CEP152: variants seen among roughly 807,000 people sequenced by gnomAD.
CEP152 encodes centrosomal protein of 152 kDa.
Under a neutral mutation model 188.9 loss-of-function variants are expected in CEP152, and 132 were observed. The ratio of observed to expected loss-of-function variants is 0.70; its 90% CI spans 0.61 to 0.81. The LOEUF (loss-of-function observed/expected upper bound fraction) is 0.81, where lower values mean the gene tolerates loss of function less well. Ranked by LOEUF, CEP152 falls within the 30% of genes least tolerant of loss-of-function variation. CEP152 has a pLI of 0.00. For synonymous variants in CEP152, 649 were observed against 666.6 expected (o/e 0.97, Z 0.41); for missense variants, 1,914 against 1,969.8 (o/e 0.97, Z 0.54).
chr15:48,733,012 G>C (rs1409219526), downstream of CEP152, among the ~76,000 whole-genome samples: 1 of 152,026 alleles, frequency 6.6e-6, no homozygotes, highest in African/African-American at 2.4e-5. Context: ...GATCACTTGA[G>C]CCCAGGAGTT....
At chr15:48,759,770 C>A (rs1213003967) in intron 19 of CEP152, among the ~76,000 whole-genome samples, 1 of 152,060 alleles carries the variant, frequency 6.6e-6, no homozygotes, top group Non-Finnish European at 1.5e-5. Context: ...TGGCTATTTA[C>A]CAAGAAGAAT....
rs753370061 is a variant in CEP152, at chr15:48,772,525, G to A, written c.1744C>T (p.His582Tyr). ...KDCHKKIEDL[H>Y]QVKKDEKSIE... is the part of the protein sequence containing the mutation. ...CTTTTTTCATCCTTCTTCACTTGGT[G>A]GAGATCTTCAATTTTCTTATGACAG... Residue 582 changes from histidine to tyrosine, a missense_variant, in exon 13 of 27, where the codon CAC becomes TAC. By Grantham distance (83) the His-to-Tyr change is moderately conservative. Coordinates refer to ENST00000380950, the MANE Select transcript of CEP152 (RefSeq NM_001194998.2). The A allele has an allele frequency of 1.9e-6, 3 of 1,613,574 alleles. No individual in the cohort carries two copies. The highest frequency in any genetic ancestry group is 1.7e-6 in the Non-Finnish European group (2 of 1,179,992).
intron 13 of CEP152, among the ~76,000 whole-genome samples, chr15:48,771,109 G>A (rs1595648701): frequency 6.6e-6 from 1 of 152,052 alleles, no homozygotes; most frequent in East Asian, 1.9e-4. Flanking sequence ...TGGGAGTATA[G>A]ATGGCTGATG....
chr15:48,760,666 T>C (rs1232563114), intron 18 of CEP152, among the ~76,000 whole-genome samples: 2 of 152,122 alleles, frequency 1.3e-5, no homozygotes, highest in East Asian at 1.9e-4. Flanking sequence ...GCTCTACACA[T>C]GTGCATGAAC....
intron 21 of CEP152, among the ~76,000 whole-genome samples, chr15:48,750,753 T>C (rs1893808009): frequency 6.6e-6 from 1 of 152,138 alleles, no homozygotes; most frequent in Non-Finnish European, 1.5e-5. Flanking sequence ...GAATATAGAG[T>C]ATTAAACTAT....
intron 23 of CEP152, 123 bp downstream of exon 23, chr15:48,744,772 TG>T: frequency 1.1e-6 from 1 of 904,092 alleles, no homozygotes; most frequent in Non-Finnish European, 1.6e-6. Context: ...AATAAGGTTT[TG>T]GGGGATTTTC....
intron 12 of CEP152, 129 bp from the exon 13 acceptor site, chr15:48,772,820 A>G (rs1210048438): frequency 1.3e-6 from 1 of 744,726 alleles, no homozygotes. Context: ...GTATTTCAAA[A>G]CAATTTTAAA....
At chr15:48,742,212 T>C (rs1036763988) in intron 24 of CEP152, 112 bp from the exon 25 acceptor site, 15 of 953,544 alleles carry the variant, frequency 1.6e-5, no homozygotes, top group Middle Eastern at 2.1e-4. Context: ...ATTTTAAGTA[T>C]AGTTTAAACA....
chr15:48,745,582 C>T (rs1195912361), intron 22 of CEP152, among the ~76,000 whole-genome samples: 1 of 151,608 alleles, frequency 6.6e-6, no homozygotes, highest in Non-Finnish European at 1.5e-5. Flanking sequence ...TTGGGATAGG[C>T]GGTGGAGTTA....
intron 2 of CEP152, among the ~76,000 whole-genome samples, chr15:48,803,299 G>A (rs1897787759): frequency 6.6e-6 from 1 of 152,054 alleles, no homozygotes; most frequent in African/African-American, 2.4e-5. Context: ...CTATTGCTGG[G>A]TCAGGAAGAC....
chr15:48,765,383 A>G (rs1276711397), intron 17 of CEP152, among the ~76,000 whole-genome samples: 4 of 152,042 alleles, frequency 2.6e-5, no homozygotes, highest in Non-Finnish European at 5.9e-5. Flanking sequence ...TTATACTTTA[A>G]GTTTTGGGAT....
chr15:48,769,828 T>C (rs1416754068), intron 13 of CEP152, among the ~76,000 whole-genome samples: 5 of 151,234 alleles, frequency 3.3e-5, no homozygotes, highest in African/African-American at 1.2e-4. Context: ...ATGATAGACT[T>C]TGGCGAATTG....
Position 48,805,561 on chromosome 15 carries a change from AC to A in CEP152, c.87+1del, listed in dbSNP as rs1469350771. ...TTTTTTTTTTTTTTTTTAACAACTTACCTCTTTCTCTCTTTCATAGTCCTCT... is the reference window on the plus strand; with the variant it reads ...TTTTTTTTTTTTTTTTTAACAACTTACTCTTTCTCTCTTTCATAGTCCTCT... On this transcript the variant is annotated splice_donor_variant, in intron 2 of 26. Coordinates refer to ENST00000380950, the MANE Select transcript of CEP152 (RefSeq NM_001194998.2). LOFTEE classifies it high-confidence loss of function. 1 of 1,516,644 alleles carries A rather than the reference AC, an allele frequency of 6.6e-7. No homozygotes were observed. The highest frequency in any genetic ancestry group is 2.6e-5 in the East Asian group (1 of 38,734). The allele number at this position is 1,516,644 out of a possible 1,614,324, so 93.9% of individuals were successfully genotyped here. A position where few individuals can be genotyped will look rare whatever the true frequency, so the allele number is the denominator to read the frequency against.
At chr15:48,760,606 G>A (rs921744357) in intron 18 of CEP152, among the ~76,000 whole-genome samples, 2 of 152,110 alleles carry the variant, frequency 1.3e-5, no homozygotes, top group Admixed American at 6.5e-5. Flanking sequence ...GGACTGCTTG[G>A]TGCCAACTGC....
chr15:48,739,400 TA>T (rs1892805877), intron 26 of CEP152, 112 bp from the exon 27 acceptor site: 2 of 1,391,462 alleles, frequency 1.4e-6, no homozygotes, highest in African/African-American at 2.9e-5. Context: ...TTTATGTTTT[TA>T]TACTGTATTC....
Position 48,772,527 on chromosome 15 carries a change from A to C in CEP152, c.1742T>G (p.Leu581Arg). 1 of 1,613,750 alleles carries C rather than the reference A, an allele frequency of 6.2e-7. No individual in the cohort carries two copies. The highest frequency in any genetic ancestry group is 1.7e-5 in the Admixed American group (1 of 60,012). ...TTTTTCATCCTTCTTCACTTGGTGGAGATCTTCAATTTTCTTATGACAGTC... is the reference window on the plus strand; with the variant it reads ...TTTTTCATCCTTCTTCACTTGGTGGCGATCTTCAATTTTCTTATGACAGTC... ...LKDCHKKIED[L>R]HQVKKDEKSI... Residue 581 changes from leucine (L) to arginine (R), a missense_variant, in exon 13 of 27, where the codon CTC (leucine) becomes CGC (arginine). By Grantham distance (102) the Leu-to-Arg change is moderately radical. Transcript: ENST00000380950.
Position 48,738,744 on chromosome 15 carries a change from A to G in CEP152, c.4638T>C (p.Asn1546=). ...YKCNPLMESE[N]AASEKSQGLD... ...AACCTTGACTTTTCTCAGATGCAGC[A>G]TTTTCACTTTCCATTAGTGGATTGC... Residue 1546 remains asparagine, a synonymous_variant, in exon 27 of 27, where the codon AAT becomes AAC. Coordinates refer to ENST00000380950, the MANE Select transcript of CEP152 (RefSeq NM_001194998.2). The G allele has an allele frequency of 1.2e-6, 2 of 1,614,200 alleles. No individual in the cohort carries two copies. The highest frequency in any genetic ancestry group is 8.5e-7 in the Non-Finnish European group (1 of 1,180,024).
At chr15:48,735,907 G>C (rs895562066), downstream of CEP152, among the ~76,000 whole-genome samples, 4 of 151,922 alleles carry the variant, frequency 2.6e-5, no homozygotes, top group Admixed American at 2.6e-4. Flanking sequence ...CCTTTAGATA[G>C]ACTAAGAAAA....
At chr15:48,801,569 T>A (rs1595702485) in intron 2 of CEP152, among the ~76,000 whole-genome samples, 2 of 152,230 alleles carry the variant, frequency 1.3e-5, no homozygotes, top group Admixed American at 6.5e-5. Flanking sequence ...CTTGATATCA[T>A]AGATTACCAA....
Sources: gnomAD v4.1 joint callset for allele counts (sites outside exome capture counted in the v4.1 genomes callset) on GRCh38, gnomAD v4.1.1 for gene constraint, MANE v1.5 for transcripts, NCBI Gene and HGNC (gene_info 2026-07-23, HGNC 2026-07-21) for gene names.